The following RBFOX1 variants were observed in gnomAD, a reference collection of about 807,000 sequenced individuals.
RBFOX1 encodes RNA binding fox-1 homolog 1.
Under a neutral mutation model 57.7 loss-of-function variants are expected in RBFOX1, and 8 were observed. That is an observed-to-expected ratio of 0.14 (90% CI 0.08 to 0.25). RBFOX1 has a LOEUF of 0.25. Among genes scored for constraint, RBFOX1 ranks in the 10% least tolerant of loss-of-function variants. The pLI is 1.00. For missense variants in RBFOX1, 611 were observed against 548.5 expected, an observed-to-expected ratio of 1.11 and a Z score of -1.14; for synonymous variants, 326 against 222.4, an observed-to-expected ratio of 1.47 and a Z score of -4.15.
At chr16:7,013,541 C>G (rs1401261449) in intron 3 of RBFOX1, among the ~76,000 whole-genome samples, 1 of 152,182 alleles carries the variant, frequency 6.6e-6, no homozygotes, top group East Asian at 1.9e-4. Context: ...TTGTCTGTAT[C>G]AAAATGTTAG....
intron 3 of RBFOX1, among the ~76,000 whole-genome samples, chr16:5,758,373 A>G (rs577903665): frequency 1.3e-5 from 2 of 152,282 alleles, no homozygotes; most frequent in South Asian, 4.1e-4. Flanking sequence ...ATGCTCTTGT[A>G]ACTGCGAGCT....
chr16:5,550,497 T>G (rs1414611455), intron 2 of RBFOX1, among the ~76,000 whole-genome samples: 1 of 152,172 alleles, frequency 6.6e-6, no homozygotes, highest in Non-Finnish European at 1.5e-5. Context: ...AGCTCTCCCT[T>G]GACCCAGAAC....
intron 2 of RBFOX1, among the ~76,000 whole-genome samples, chr16:5,552,054 A>C (rs2045486301): frequency 1.3e-5 from 2 of 152,162 alleles, no homozygotes; most frequent in Admixed American, 1.3e-4. Flanking sequence ...TCCTCATCTA[A>C]GGATATGCAT....
chr16:7,038,557 C>T (rs968055056), intron 3 of RBFOX1, among the ~76,000 whole-genome samples: 1 of 152,098 alleles, frequency 6.6e-6, no homozygotes, highest in Non-Finnish European at 1.5e-5. Flanking sequence ...CAAGACATTT[C>T]GTGGTTTAGC....
At chr16:7,385,965 A>G (rs1409583424) in intron 4 of RBFOX1, among the ~76,000 whole-genome samples, 1 of 136,810 alleles carries the variant, frequency 7.3e-6, no homozygotes, top group African/African-American at 2.8e-5. Flanking sequence ...TTTATTTTTT[A>G]TTTTTAGTAG....
intron 4 of RBFOX1, among the ~76,000 whole-genome samples, chr16:7,378,723 G>C (rs1462642099): frequency 1.3e-5 from 2 of 152,068 alleles, no homozygotes; most frequent in East Asian, 3.9e-4. Context: ...CCAAACCCTG[G>C]TGAGCTTTCT....
chr16:6,908,208 A>T (rs1207132499), intron 3 of RBFOX1, among the ~76,000 whole-genome samples: 1 of 151,674 alleles, frequency 6.6e-6, no homozygotes, highest in Admixed American at 6.6e-5. Flanking sequence ...ACCTCTGCTC[A>T]GCATTGTGTT....
intron 3 of RBFOX1, among the ~76,000 whole-genome samples, chr16:7,002,548 C>G (rs2092917315): frequency 6.6e-6 from 1 of 152,086 alleles, no homozygotes; most frequent in Non-Finnish European, 1.5e-5. Flanking sequence ...CCCGTCTCTA[C>G]TAAAAATACA....
intron 4 of RBFOX1, among the ~76,000 whole-genome samples, chr16:7,173,188 T>G (rs2081039733): frequency 6.6e-6 from 1 of 152,234 alleles, no homozygotes. Flanking sequence ...TGTTTTATTA[T>G]TAACGTAAAA....
intron 3 of RBFOX1, among the ~76,000 whole-genome samples, chr16:6,684,233 C>T (rs1057058013): frequency 2.6e-5 from 4 of 152,136 alleles, no homozygotes; most frequent in South Asian, 4.1e-4. Context: ...TGGTGGGTTG[C>T]TGGTGTTAGA....
chr16:5,425,143 T>C, intron 1 of RBFOX1, among the ~76,000 whole-genome samples: 1 of 138,856 alleles, frequency 7.2e-6, no homozygotes, highest in African/African-American at 2.6e-5. Flanking sequence ...TCTCACTGTG[T>C]TGCCCAGGCT....
At chr16:5,536,002 A>C (rs2044678508) in intron 2 of RBFOX1, among the ~76,000 whole-genome samples, 1 of 152,046 alleles carries the variant, frequency 6.6e-6, no homozygotes, top group Non-Finnish European at 1.5e-5. Flanking sequence ...CCACACACCG[A>C]AATCTTTCTC....
chr16:7,156,722 C>T (rs558900492), intron 4 of RBFOX1, among the ~76,000 whole-genome samples: 5 of 152,108 alleles, frequency 3.3e-5, no homozygotes, highest in African/African-American at 9.6e-5. Flanking sequence ...TAATGGATTC[C>T]TTATTGATGC....
chr16:5,300,425 A>G (rs1303541702), intron 1 of RBFOX1, among the ~76,000 whole-genome samples: 1 of 152,144 alleles, frequency 6.6e-6, no homozygotes, highest in Non-Finnish European at 1.5e-5. Context: ...TGCTTGGGTG[A>G]TGAGTGCATC....
At chr16:6,027,724 T>G (rs1443396206) in intron 1 of RBFOX1, among the ~76,000 whole-genome samples, 1 of 152,200 alleles carries the variant, frequency 6.6e-6, no homozygotes, top group Non-Finnish European at 1.5e-5. Flanking sequence ...TAACCTTGTT[T>G]TTGTTGCTAG....
chr16:5,278,119 C>G (rs1393002076), intron 1 of RBFOX1, among the ~76,000 whole-genome samples: 3 of 152,178 alleles, frequency 2.0e-5, no homozygotes, highest in Non-Finnish European at 4.4e-5. Context: ...TACATTGCCA[C>G]CAACAATATA....
chr16:5,571,774 G>C (rs2046292431), intron 2 of RBFOX1, among the ~76,000 whole-genome samples: 1 of 152,186 alleles, frequency 6.6e-6, no homozygotes, highest in African/African-American at 2.4e-5. Flanking sequence ...TAGAAGCTCA[G>C]GGTCCTTGTT....
chr16:7,302,517 C>T (rs1298561020), intron 4 of RBFOX1, among the ~76,000 whole-genome samples: 1 of 151,960 alleles, frequency 6.6e-6, no homozygotes, highest in African/African-American at 2.4e-5. Flanking sequence ...CCCCCATCCC[C>T]TCTCAGGTAC....
Position 6,454,911 on chromosome 16 carries a change from T to C in RBFOX1, c.-64+137854T>C, listed in dbSNP as rs145450544. Among the ~76,000 whole-genome samples the C allele has an allele frequency of 3.0e-3, 417 of 140,510 alleles. 23 individuals are homozygous for C. In the East Asian group the frequency reaches 0.065, roughly 22 times the overall value. 92.2% of individuals were successfully genotyped at this position (140,510 alleles called of 152,430 possible). ...TTTTTTTTTTTTTTTTGAGTTGGCG[T>C]CTCGCCCTGTCACCCAGGCTGGAGT... On this transcript the variant is annotated intron_variant, in intron 2 of 15. Coordinates refer to ENST00000550418, the MANE Select transcript of RBFOX1 (RefSeq NM_018723.4).
Sources: allele counts gnomAD v4.1 joint callset (sites outside exome capture counted in the v4.1 genomes callset), GRCh38; gene constraint gnomAD v4.1.1; transcripts MANE v1.5; gene names NCBI Gene and HGNC (gene_info 2026-07-23, HGNC 2026-07-21).